PCDHGB2: variants seen among roughly 807,000 people sequenced by gnomAD.
PCDHGB2 encodes protocadherin gamma subfamily B, 2.
PCDHGB2 carries 55 observed loss-of-function variants against 59.3 expected under a neutral mutation model. That is an observed-to-expected ratio of 0.93 (90% confidence interval 0.75 to 1.16). The LOEUF (loss-of-function observed/expected upper bound fraction) is 1.16. Ranked by LOEUF, PCDHGB2 falls within the 50% of genes most tolerant of loss-of-function variation. PCDHGB2 has a pLI of 0.00. For synonymous variants in PCDHGB2, 516 were observed against 512.0 expected (o/e 1.01, Z -0.11); for missense variants, 1,228 against 1,198.5 (o/e 1.02, Z -0.36).
At chr5:141,478,127 C>A (rs1323163663) in intron 1 of PCDHGB2, 1 of 1,614,106 alleles carries the variant, frequency 6.2e-7, no homozygotes, top group South Asian at 1.1e-5. Flanking sequence ...CGAGGACTCT[C>A]CTGAAGCCCG....
Position 141,485,331 on chromosome 5 carries a change from T to C in PCDHGB2, c.2422-9476T>C, listed in dbSNP as rs1203054851. On this transcript the variant is annotated intron_variant, in intron 1 of 3. Transcript: ENST00000522605. This position sits in a 1 kb window ranked among gnomAD's most constrained non-coding sequence, Gnocchi z 5.7. Reference sequence around the variant, plus strand: ...GTAGGGAATGTCGCTCAAGATTTCCTGCTGGATACGGACAGTCTGTCAGCT... The same window carrying C: ...GTAGGGAATGTCGCTCAAGATTTCCCGCTGGATACGGACAGTCTGTCAGCT... 6.2e-7 allele frequency: 1 copy of C among 1,614,048 alleles called. No individual in the cohort carries two copies. Among genetic ancestry groups the C allele is most frequent in the African/African-American group, 1.3e-5 (1 of 74,902 alleles).
chr5:141,389,935 C>A, intron 1 of PCDHGB2: 1 of 1,614,084 alleles, frequency 6.2e-7, no homozygotes, highest in Non-Finnish European at 8.5e-7. Flanking sequence ...GACCTCCAGG[C>A]TGAGCTGCAG....
At chr5:141,412,814 C>CAT (rs1339609844) in intron 1 of PCDHGB2, among the ~76,000 whole-genome samples, 1 of 152,180 alleles carries the variant, frequency 6.6e-6, no homozygotes, top group Non-Finnish European at 1.5e-5. Context: ...AAGAAACCTA[C>CAT]ATATAGTAAA....
intron 1 of PCDHGB2, chr5:141,365,323 T>C (rs1307889489): frequency 6.2e-7 from 1 of 1,613,858 alleles, no homozygotes; most frequent in African/African-American, 1.3e-5. Flanking sequence ...TTGCCAGCGC[T>C]AAGGTGGTGG....
At chr5:141,420,160 T>G in intron 1 of PCDHGB2, 1 of 1,614,044 alleles carries the variant, frequency 6.2e-7, no homozygotes, top group Non-Finnish European at 8.5e-7. Flanking sequence ...AATTTAATTT[T>G]TTCACATCTG....
chr5:141,479,731 G>C (rs1176632022), intron 1 of PCDHGB2: 1 of 152,216 alleles, frequency 6.6e-6, no homozygotes, highest in East Asian at 1.9e-4. Context: ...TTTTTCTTAA[G>C]TATATGCACA....
Position 141,511,643 on chromosome 5 carries a change from C to T in PCDHGB2, c.*470C>T, listed in dbSNP as rs937995879. ...TGAAAAGTTGGAAGGGCATCATGACCTCTTGGCCTCTCCTTTGATTCTCAA... is the reference window on the plus strand; with the variant it reads ...TGAAAAGTTGGAAGGGCATCATGACTTCTTGGCCTCTCCTTTGATTCTCAA... On this transcript the variant is annotated 3_prime_UTR_variant, in exon 4 of 4. Coordinates refer to ENST00000522605, the MANE Select transcript of PCDHGB2 (RefSeq NM_018923.3). 4 of 218,904 alleles carry T rather than the reference C, an allele frequency of 1.8e-5. No homozygotes were observed. The highest frequency in any genetic ancestry group is 5.2e-5 in the Admixed American group (1 of 19,306). 13.6% of individuals were successfully genotyped at this position (218,904 alleles called of 1,614,324 possible). A position where few individuals can be genotyped will look rare whatever the true frequency, so the allele number is the denominator to read the frequency against.
Position 141,368,188 on chromosome 5 carries a change from G to A in PCDHGB2, c.2421+5632G>A, listed in dbSNP as rs528865842. Among the ~76,000 whole-genome samples the A allele has an allele frequency of 2.2e-4, 33 of 152,098 alleles. 1 individual carries two copies. In the South Asian group the frequency reaches 5.6e-3, roughly 26 times the overall value. Reference sequence around the variant, plus strand: ...CAGCTTCAAATAATGACTAAATAAGGGGAAAAGGTAATAAAATATTACAAA... The same window carrying A: ...CAGCTTCAAATAATGACTAAATAAGAGGAAAAGGTAATAAAATATTACAAA... On this transcript the variant is annotated intron_variant, in intron 1 of 3. Coordinates refer to ENST00000522605, the MANE Select transcript of PCDHGB2 (RefSeq NM_018923.3).
chr5:141,399,677 A>G, intron 1 of PCDHGB2: 1 of 1,613,540 alleles, frequency 6.2e-7, no homozygotes, highest in Non-Finnish European at 8.5e-7. Flanking sequence ...CGCGCCTTTG[A>G]CTACGAGCAG....
intron 1 of PCDHGB2, chr5:141,419,864 C>A (rs1282571542): frequency 6.2e-7 from 1 of 1,613,966 alleles, no homozygotes; most frequent in Non-Finnish European, 8.5e-7. Context: ...AGATAGCTTG[C>A]AAGAGGTACT....
intron 1 of PCDHGB2, chr5:141,393,311 C>T: frequency 6.2e-7 from 1 of 1,613,484 alleles, no homozygotes; most frequent in Non-Finnish European, 8.5e-7. Context: ...GCGTGAACTC[C>T]CTCCAGAGCT....
chr5:141,469,395 T>G lies in PCDHGB2; in HGVS notation c.2422-25412T>G, dbSNP rs1332746609. ...ATCGAGACCATCCTGGCCAACATGG[T>G]GAAACCCCGTTTCTACTAAAAATAT... On this transcript the variant is annotated intron_variant, in intron 1 of 3. Transcript: ENST00000522605. Among the ~76,000 whole-genome samples, 6 of 152,194 alleles carry G rather than the reference T, an allele frequency of 3.9e-5. No homozygotes were observed. The East Asian group carries it at 1.2e-3, about 29-fold the overall frequency.
chr5:141,360,738 CAG>C lies in PCDHGB2; in HGVS notation c.607_608del (p.Glu203ArgfsTer35), dbSNP rs754230241. 7.4e-6 allele frequency: 12 copies of C among 1,613,846 alleles called. No individual in the cohort carries two copies. In the Admixed American group the frequency reaches 1.8e-4, roughly 25 times the overall value. On this transcript the variant is annotated frameshift_variant, in exon 1 of 4. Transcript: ENST00000522605. LOFTEE classifies it high-confidence loss of function. ...PELILKHSLD[R>X]EEHSLHQLVL... is the part of the protein sequence containing the mutation. ...AGTTGATTCTAAAACACTCTCTGGA[CAG>C]AGAAGAGCACAGTTTACATCAATTG...
intron 1 of PCDHGB2, chr5:141,376,898 A>G (rs1251182955): frequency 5.2e-6 from 1 of 193,904 alleles, no homozygotes; most frequent in East Asian, 1.4e-4. Context: ...CTTGTTAGCC[A>G]GGATGGTCTC....
intron 2 of PCDHGB2, among the ~76,000 whole-genome samples, chr5:141,502,135 G>A (rs1254187943): frequency 6.6e-6 from 1 of 152,154 alleles, no homozygotes; most frequent in East Asian, 1.9e-4. Context: ...GAGCTCAGTC[G>A]GGCCGGAAGT....
At chr5:141,390,882 G>A (rs892294372) in intron 1 of PCDHGB2, 2 of 152,824 alleles carry the variant, frequency 1.3e-5, no homozygotes, top group Non-Finnish European at 2.9e-5. Flanking sequence ...GTGTGTGTGT[G>A]TGTGTGAGAG....
intron 1 of PCDHGB2, chr5:141,375,643 C>A (rs1443985601): frequency 6.2e-7 from 1 of 1,614,210 alleles, no homozygotes; most frequent in Non-Finnish European, 8.5e-7. Context: ...TGCGCTCCTT[C>A]GACTATGAGC....
intron 1 of PCDHGB2, among the ~76,000 whole-genome samples, chr5:141,461,804 C>A (rs559757409): frequency 1.4e-3 from 212 of 152,036 alleles, no homozygotes; most frequent in African/African-American, 5.0e-3. Context: ...CAGGTGCCCA[C>A]CACCACACCC....
At chr5:141,454,850 C>T (rs1208208678) in intron 1 of PCDHGB2, among the ~76,000 whole-genome samples, 3 of 132,848 alleles carry the variant, frequency 2.3e-5, no homozygotes, top group Non-Finnish European at 4.6e-5. Flanking sequence ...CTCTGTCACC[C>T]AGGCTGGAGT....
Sources: gnomAD v4.1 joint callset for allele counts (sites outside exome capture counted in the v4.1 genomes callset) on GRCh38, gnomAD v4.1.1 for gene constraint, Gnocchi (gnomAD v3.1) non-coding constraint, MANE v1.5 for transcripts, NCBI Gene and HGNC (gene_info 2026-07-23, HGNC 2026-07-21) for gene names.